CAMSAP2: variants seen among roughly 807,000 people sequenced by gnomAD.
CAMSAP2 encodes the protein calmodulin regulated spectrin associated protein family member 2.
Under a neutral mutation model 146.1 loss-of-function variants are expected in CAMSAP2, and 26 were observed. The observed-to-expected ratio is 0.18, with a 90% CI of 0.13 to 0.25. The LOEUF (loss-of-function observed/expected upper bound fraction) is 0.25, where lower values mean the gene tolerates loss of function less well. Among genes scored for constraint, CAMSAP2 ranks in the 10% least tolerant of loss-of-function variants. The pLI, the probability that CAMSAP2 is intolerant of heterozygous loss-of-function variation, is 1.00. For synonymous variants in CAMSAP2, 499 were observed against 596.6 expected (o/e 0.84, Z 2.38); for missense variants, 1,381 against 1,759.3 (o/e 0.78, Z 3.85).
chr1:200,807,929 C>T (rs964595579), intron 3 of CAMSAP2, among the ~76,000 whole-genome samples: 1 of 151,730 alleles, frequency 6.6e-6, no homozygotes, highest in East Asian at 1.9e-4. Flanking sequence ...TTAGTGGAGA[C>T]GAGTTTTCGC....
chr1:200,776,973 G>A (rs1329208462), intron 2 of CAMSAP2, among the ~76,000 whole-genome samples: 1 of 152,126 alleles, frequency 6.6e-6, no homozygotes, highest in Non-Finnish European at 1.5e-5. Flanking sequence ...CCCTTATGTG[G>A]AAAATCTTCA....
intron 4 of CAMSAP2, among the ~76,000 whole-genome samples, chr1:200,819,924 TAAGTCACAAGTG>T (rs1666703790): frequency 6.6e-6 from 1 of 152,262 alleles, no homozygotes; most frequent in South Asian, 2.1e-4. Flanking sequence ...GTAGTGACAC[TAAGTCACAAGTG>T]AAGTCACATG....
At chr1:200,828,736 A>G (rs1666967784) in intron 4 of CAMSAP2, 1 of 832,888 alleles carries the variant, frequency 1.2e-6, no homozygotes, top group East Asian at 2.8e-5. Context: ...TTTTAAGGTC[A>G]TGTAAAATGG....
chr1:200,852,896 A>G (rs1667657152), intron 12 of CAMSAP2, among the ~76,000 whole-genome samples: 2 of 152,116 alleles, frequency 1.3e-5, no homozygotes, highest in South Asian at 2.1e-4. Flanking sequence ...GCCTAATTTT[A>G]TATTTTTATC....
At chr1:200,808,570 C>T (rs1306869889) in intron 3 of CAMSAP2, among the ~76,000 whole-genome samples, 1 of 152,278 alleles carries the variant, frequency 6.6e-6, no homozygotes, top group Non-Finnish European at 1.5e-5. Context: ...TAATACTTTG[C>T]CTCTGGAGTT....
rs1667057906 is a variant in CAMSAP2, at chr1:200,832,131, C to T, written c.646-69C>T. On this transcript the variant is annotated intron_variant, in intron 4 of 16. Transcript: ENST00000358823. This position sits in a 1 kb window ranked among gnomAD's most constrained non-coding sequence, Gnocchi z 4.2. ...TTTATTACTGGTACATTAGAATTTA[C>T]AGTACTGATTTTTTTCCTATGCGTT... 2 of 1,208,026 alleles carry T rather than the reference C, an allele frequency of 1.7e-6. No individual in the cohort carries two copies. Among genetic ancestry groups the T allele is most frequent in the Non-Finnish European group, 2.3e-6 (2 of 867,596 alleles). 74.8% of individuals were successfully genotyped at this position (1,208,026 alleles called of 1,614,324 possible).
chr1:200,817,860 C>A (rs1388669275), intron 4 of CAMSAP2, among the ~76,000 whole-genome samples: 1 of 152,132 alleles, frequency 6.6e-6, no homozygotes, highest in Non-Finnish European at 1.5e-5. Flanking sequence ...GGTCCTTTAC[C>A]CTAAAGGTAG....
intron 2 of CAMSAP2, among the ~76,000 whole-genome samples, chr1:200,770,408 C>G (rs1665082829): frequency 6.6e-6 from 1 of 150,892 alleles, no homozygotes; most frequent in African/African-American, 2.4e-5. Flanking sequence ...AACAAAATGT[C>G]CCCCTACTAT....
chr1:200,793,601 G>A (rs1220754095), intron 2 of CAMSAP2, among the ~76,000 whole-genome samples: 3 of 152,040 alleles, frequency 2.0e-5, no homozygotes, highest in African/African-American at 7.2e-5. Context: ...AGTATTCTGA[G>A]CTTAAAACAC....
In CAMSAP2 at chr1:200,849,420, T is replaced by C. The variant is rs1464323133; in HGVS notation, c.2651T>C (p.Ile884Thr). 6.2e-7 allele frequency: 1 copy of C among 1,614,182 alleles called. No individual in the cohort carries two copies. The highest frequency in any genetic ancestry group is 1.7e-5 in the Admixed American group (1 of 60,028). The change falls in exon 11 of 17, where the codon ATT (isoleucine) becomes ACT (threonine). Residue 884 changes from isoleucine to threonine, a missense_variant. Coordinates refer to ENST00000358823, the MANE Select transcript of CAMSAP2 (RefSeq NM_203459.4). This position sits in a 1 kb window ranked among gnomAD's most constrained non-coding sequence, Gnocchi z 6.3. ...GAGATTTTAGAATATACCAAATCCA[T>C]TGAAAAGTTAAATTCATCCCTGCAT... ...EGEILEYTKS[I>T]EKLNSSLHFL... is the part of the protein sequence containing the mutation.
intron 3 of CAMSAP2, among the ~76,000 whole-genome samples, chr1:200,812,886 C>T (rs547793032): frequency 2.1e-3 from 313 of 152,286 alleles, no homozygotes; most frequent in African/African-American, 6.7e-3. Context: ...TACTTAAACA[C>T]GCAAGTATTT....
chr1:200,842,825 A>T (rs1667358525), intron 7 of CAMSAP2, among the ~76,000 whole-genome samples: 1 of 151,936 alleles, frequency 6.6e-6, no homozygotes, highest in Admixed American at 6.6e-5. Context: ...AAAATACAAA[A>T]ATTAGCCGGG....
chr1:200,777,393 A>G (rs1665310154), intron 2 of CAMSAP2, among the ~76,000 whole-genome samples: 1 of 152,200 alleles, frequency 6.6e-6, no homozygotes, highest in Non-Finnish European at 1.5e-5. Context: ...GAAAAACACA[A>G]TGAGAAGAAG....
chr1:200,765,167 C>A (rs370966596), intron 2 of CAMSAP2, among the ~76,000 whole-genome samples: 1 of 152,066 alleles, frequency 6.6e-6, no homozygotes, highest in East Asian at 1.9e-4. Flanking sequence ...TTCTCTCAAT[C>A]TCCACCCCAA....
At chr1:200,740,712 A>G (rs929102336) in intron 1 of CAMSAP2, among the ~76,000 whole-genome samples, 2 of 152,222 alleles carry the variant, frequency 1.3e-5, no homozygotes, top group African/African-American at 4.8e-5. Context: ...CTGTTGACAC[A>G]GAAATTGTAT....
At chr1:200,831,410 G>C (rs1356671708) in intron 4 of CAMSAP2, among the ~76,000 whole-genome samples, 1 of 152,120 alleles carries the variant, frequency 6.6e-6, no homozygotes, top group Non-Finnish European at 1.5e-5. Flanking sequence ...ACTTGTCCAA[G>C]ATCACAAAAC....
At chr1:200,844,543 G>A (rs531589805) in intron 7 of CAMSAP2, among the ~76,000 whole-genome samples, 5 of 151,752 alleles carry the variant, frequency 3.3e-5, no homozygotes, top group Admixed American at 6.6e-5. Flanking sequence ...GCGAGACTCC[G>A]TCTAAAAAAA....
rs1667419204 is a variant in CAMSAP2 at position 200,844,825 on chromosome 1, T to C, written c.1065T>C (p.Ala355=). Reference sequence around the variant, plus strand: ...TGCCTTCAATTCCTGTCTTGAATGCTGCCAAAAGAAATGTCTTAGATAGTA... The same window carrying C: ...TGCCTTCAATTCCTGTCTTGAATGCCGCCAAAAGAAATGTCTTAGATAGTA... ...KDMPSIPVLN[A]AKRNVLDSSS... The change falls in exon 8 of 17, where the codon GCT becomes GCC. Residue 355 remains alanine, a synonymous_variant. Transcript: ENST00000358823. 2 of 1,596,058 alleles carry C rather than the reference T, an allele frequency of 1.3e-6. No homozygotes were observed. Among genetic ancestry groups the C allele is most frequent in the Non-Finnish European group, 1.7e-6 (2 of 1,174,160 alleles).
intron 1 of CAMSAP2, among the ~76,000 whole-genome samples, chr1:200,747,192 C>T (rs969632273): frequency 6.6e-6 from 1 of 152,144 alleles, no homozygotes. Context: ...AGCCACCCCA[C>T]CCAGCTGACT....
Sources: gnomAD v4.1 joint callset for allele counts (sites outside exome capture counted in the v4.1 genomes callset) on GRCh38, gnomAD v4.1.1 for gene constraint, Gnocchi (gnomAD v3.1) non-coding constraint, MANE v1.5 for transcripts, NCBI Gene and HGNC (gene_info 2026-07-23, HGNC 2026-07-21) for gene names.